CCDC73: variants seen among roughly 807,000 people sequenced by gnomAD.
CCDC73 encodes coiled-coil domain-containing protein 73.
A neutral mutation model predicts 116.5 loss-of-function variants in CCDC73; 95 were observed. The ratio of observed to expected loss-of-function variants is 0.82; its 90% CI spans 0.69 to 0.97. CCDC73 has a LOEUF of 0.97. Among genes scored for constraint, CCDC73 ranks in the 50% least tolerant of loss-of-function variants. The pLI, the probability that CCDC73 is intolerant of heterozygous loss-of-function variation, is 0.00. For missense variants in CCDC73, 1,066 were observed against 1,206.8 expected (o/e 0.88, Z 1.73); for synonymous variants, 398 against 401.3 (o/e 0.99, Z 0.10).
intron 14 of CCDC73, 80 bp downstream of exon 14, chr11:32,635,616 G>A: frequency 8.5e-7 from 1 of 1,170,190 alleles, no homozygotes. Flanking sequence ...GAAACTTAAA[G>A]TATAAAACAG....
intron 9 of CCDC73, among the ~76,000 whole-genome samples, chr11:32,675,258 AG>A: frequency 6.6e-6 from 1 of 152,334 alleles, no homozygotes; most frequent in South Asian, 2.1e-4. Flanking sequence ...AGTATATAAA[AG>A]TCACTCAATA....
At chr11:32,799,447 C>T (rs1850752894), upstream of CCDC73, among the ~76,000 whole-genome samples, 1 of 149,912 alleles carries the variant, frequency 6.7e-6, no homozygotes, top group Non-Finnish European at 1.5e-5. Context: ...CCAGCCTGGT[C>T]TCGAACTCCT....
intron 8 of CCDC73, 106 bp downstream of exon 8, chr11:32,675,780 A>G: frequency 8.2e-7 from 1 of 1,222,440 alleles, no homozygotes; most frequent in Non-Finnish European, 1.2e-6. Flanking sequence ...ATTAACTGCC[A>G]TTTACTATTA....
intron 6 of CCDC73, among the ~76,000 whole-genome samples, chr11:32,691,863 A>G (rs1297509116): frequency 6.6e-6 from 1 of 152,034 alleles, no homozygotes; most frequent in African/African-American, 2.4e-5. Context: ...CCTGGCTAAC[A>G]TGGTGAAACC....
intron 3 of CCDC73, among the ~76,000 whole-genome samples, chr11:32,714,906 G>A (rs1307080368): frequency 6.6e-6 from 1 of 151,954 alleles, no homozygotes; most frequent in East Asian, 1.9e-4. Context: ...CATTTTATAG[G>A]AACATAGACA....
At chr11:32,830,118 G>T in the CCDC73 span, 40 of 995,186 alleles carry the variant, frequency 4.0e-5, no homozygotes, top group Non-Finnish European at 4.5e-5. Context: ...CGAAGGAACC[G>T]CCCCAAGAAG....
chr11:32,740,266 G>A (rs2133355926), intron 2 of CCDC73, among the ~76,000 whole-genome samples: 1 of 152,032 alleles, frequency 6.6e-6, no homozygotes, highest in South Asian at 2.1e-4. Flanking sequence ...GAGTAGAATT[G>A]GTATTAGTTC....
At chr11:32,774,427 G>A (rs7933005) in intron 1 of CCDC73, among the ~76,000 whole-genome samples, 41,309 of 151,920 alleles carry the variant, frequency 0.27, 5,930 homozygotes, top group South Asian at 0.35. Flanking sequence ...TTTAATGAAC[G>A]TGAGAAAAAT....
At chr11:32,661,743 T>C (rs1158553106) in intron 9 of CCDC73, among the ~76,000 whole-genome samples, 1 of 151,732 alleles carries the variant, frequency 6.6e-6, no homozygotes, top group East Asian at 2.0e-4. Flanking sequence ...TGCAGGTCTG[T>C]TACATATGTA....
At chr11:32,730,938 G>A (rs1185302732) in intron 2 of CCDC73, among the ~76,000 whole-genome samples, 1 of 152,154 alleles carries the variant, frequency 6.6e-6, no homozygotes, top group African/African-American at 2.4e-5. Context: ...AGGGCAGTGG[G>A]TGCAGCCCAC....
intron 1 of CCDC73, among the ~76,000 whole-genome samples, chr11:32,783,941 A>G (rs1274734532): frequency 1.3e-5 from 2 of 152,328 alleles, no homozygotes; most frequent in African/African-American, 2.4e-5. Context: ...TCCTCAACAC[A>G]ATGGTATTAA....
intron 9 of CCDC73, among the ~76,000 whole-genome samples, chr11:32,661,191 G>T (rs905168829): frequency 6.6e-6 from 1 of 152,192 alleles, no homozygotes; most frequent in South Asian, 2.1e-4. Context: ...TCTGCAGAGT[G>T]AAGGAATATA....
chr11:32,698,010 AATTTTTTTTTTTTTT>A (rs869262098), intron 6 of CCDC73, among the ~76,000 whole-genome samples: 31,417 of 117,538 alleles, frequency 0.27, 4,938 homozygotes, highest in South Asian at 0.37. Context: ...TCTAACACTG[AATTTTTTTTTTTTTT>A]TTTTTTTTTT....
At chr11:32,693,727 G>A (rs780240611) in intron 6 of CCDC73, among the ~76,000 whole-genome samples, 9 of 152,070 alleles carry the variant, frequency 5.9e-5, no homozygotes, top group Non-Finnish European at 8.8e-5. Flanking sequence ...CGAACAAGTC[G>A]GCTTCATCCC....
intron 14 of CCDC73, among the ~76,000 whole-genome samples, chr11:32,634,523 A>G (rs1429158532): frequency 1.3e-5 from 2 of 152,180 alleles, no homozygotes; most frequent in African/African-American, 4.8e-5. Context: ...TCAAACTGAT[A>G]AAGAGTATAA....
At chr11:32,693,449 G>C (rs556009987) in intron 6 of CCDC73, among the ~76,000 whole-genome samples, 3 of 152,240 alleles carry the variant, frequency 2.0e-5, no homozygotes, top group African/African-American at 7.2e-5. Flanking sequence ...ACTATGTTCT[G>C]GGTTGAATAA....
intron 2 of CCDC73, among the ~76,000 whole-genome samples, chr11:32,756,579 A>G (rs1353544997): frequency 6.6e-6 from 1 of 150,856 alleles, no homozygotes; most frequent in East Asian, 1.9e-4. Flanking sequence ...GAAGATGTAA[A>G]GCCTATTTCT....
chr11:32,791,220 G>A (rs373666367), intron 1 of CCDC73, among the ~76,000 whole-genome samples: 7 of 152,138 alleles, frequency 4.6e-5, no homozygotes, highest in South Asian at 2.1e-4. Context: ...GCAAATAAAC[G>A]AATTAGGAAA....
chr11:32,771,239 T>G (rs759805398), intron 1 of CCDC73, among the ~76,000 whole-genome samples: 26 of 152,032 alleles, frequency 1.7e-4, no homozygotes, highest in Non-Finnish European at 3.1e-4. Flanking sequence ...GAACAATGGG[T>G]AGAAAACAAG....
Sources: allele counts gnomAD v4.1 joint callset (sites outside exome capture counted in the v4.1 genomes callset), GRCh38; gene constraint gnomAD v4.1.1; transcripts MANE v1.5; gene names NCBI Gene and HGNC (gene_info 2026-07-23, HGNC 2026-07-21).